DHX36: variants seen among roughly 807,000 people sequenced by gnomAD.
DHX36 encodes the protein ATP-dependent DNA/RNA helicase DHX36.
A neutral mutation model predicts 139.0 loss-of-function variants in DHX36; 50 were observed. The ratio of observed to expected loss-of-function variants is 0.36; its 90% CI spans 0.29 to 0.46. DHX36 has a LOEUF of 0.46. DHX36 is among the 20% of genes least tolerant of loss of function. DHX36 has a pLI of 1.00. For missense variants in DHX36, 1,024 were observed against 1,211.3 expected (o/e 0.85, Z 2.29); for synonymous variants, 425 against 401.9 (o/e 1.06, Z -0.69).
At chr3:154,316,911 C>T (rs1713008214) in intron 1 of DHX36, among the ~76,000 whole-genome samples, 1 of 151,720 alleles carries the variant, frequency 6.6e-6, no homozygotes. Flanking sequence ...ATTTATGGGA[C>T]TACAAACCTT....
chr3:154,284,699 A>G, intron 18 of DHX36, 30 bp from the exon 19 acceptor site: 2 of 1,599,384 alleles, frequency 1.3e-6, no homozygotes, highest in Non-Finnish European at 1.7e-6. Context: ...GCCAATTTAA[A>G]TTGCTCTGAT....
At chr3:154,317,964 TAAAC>T (rs1340151396) in intron 1 of DHX36, among the ~76,000 whole-genome samples, 1 of 152,074 alleles carries the variant, frequency 6.6e-6, no homozygotes, top group Admixed American at 6.5e-5. Flanking sequence ...CTATCCCAAT[TAAAC>T]AAACACCAAA....
chr3:154,321,926 CAA>C (rs36004138), intron 1 of DHX36, among the ~76,000 whole-genome samples: 17 of 111,868 alleles, frequency 1.5e-4, no homozygotes, highest in Non-Finnish European at 2.1e-4. Flanking sequence ...GACTCCAACT[CAA>C]AAAAAAAAAA....
At chr3:154,284,788 C>T (rs1711505087) in intron 18 of DHX36, 26 bp downstream of exon 18, 1 of 1,610,154 alleles carries the variant, frequency 6.2e-7, no homozygotes, top group East Asian at 2.2e-5. Context: ...TCTAAAATAA[C>T]TCGGTTTTAT....
At chr3:154,279,361 A>G (rs1719260256) in intron 22 of DHX36, 1 of 152,234 alleles carries the variant, frequency 6.6e-6, no homozygotes, top group Non-Finnish European at 1.5e-5. Flanking sequence ...GCACCAGTCC[A>G]AAGAAAACTA....
At chr3:154,300,270 A>T (rs935339317) in intron 11 of DHX36, among the ~76,000 whole-genome samples, 1 of 152,068 alleles carries the variant, frequency 6.6e-6, no homozygotes, top group African/African-American at 2.4e-5. Context: ...GTTTTGCCAC[A>T]TTGGCCAGGC....
At chr3:154,281,647 G>C (rs1220434490) in intron 20 of DHX36, among the ~76,000 whole-genome samples, 1 of 151,992 alleles carries the variant, frequency 6.6e-6, no homozygotes, top group African/African-American at 2.4e-5. Context: ...ATTTCCTAAG[G>C]AATTCCTTTT....
At chr3:154,314,875 A>C (rs933172680) in intron 3 of DHX36, 171 bp downstream of exon 3, 1 of 575,550 alleles carries the variant, frequency 1.7e-6, no homozygotes, top group African/African-American at 1.9e-5. Context: ...GTTATGTGTA[A>C]CTTCCATTCC....
rs556349597 is a variant in DHX36 at position 154,304,004 on chromosome 3, G to GCT, written c.1136-596_1136-595dup. On this transcript the variant is annotated intron_variant, in intron 8 of 24. Transcript: ENST00000496811. ...TCAAAATACCTAAGTAGGTATCACT[G>GCT]CTCTACCCATGATGTGCACACATTT... Among the ~76,000 whole-genome samples the GCT allele has an allele frequency of 5.9e-4, 90 of 152,252 alleles. No individual in the cohort carries two copies. The East Asian group carries it at 0.016, about 27-fold the overall frequency.
At chr3:154,281,933 T>A in intron 20 of DHX36, among the ~76,000 whole-genome samples, 1 of 152,118 alleles carries the variant, frequency 6.6e-6, no homozygotes, top group South Asian at 2.1e-4. Flanking sequence ...AAATCTCCAC[T>A]GTGATTCCCC....
At chr3:154,316,316 C>T (rs367797504) in intron 1 of DHX36, among the ~76,000 whole-genome samples, 153 bp from the exon 2 acceptor site, 1 of 152,048 alleles carries the variant, frequency 6.6e-6, no homozygotes, top group East Asian at 1.9e-4. Context: ...CCCAATACCC[C>T]CCTTCCTAGA....
chr3:154,301,995 T>C (rs1173712870), intron 9 of DHX36, among the ~76,000 whole-genome samples: 1 of 151,894 alleles, frequency 6.6e-6, no homozygotes, highest in Non-Finnish European at 1.5e-5. Context: ...ATTAAACATC[T>C]GGCCTTTAGT....
At chr3:154,313,169 A>G (rs1294101692) in intron 3 of DHX36, among the ~76,000 whole-genome samples, 1 of 152,030 alleles carries the variant, frequency 6.6e-6, no homozygotes, top group South Asian at 2.1e-4. Flanking sequence ...ATCTTAACAC[A>G]TAATTATACA....
chr3:154,290,960 C>T (rs1711778272), intron 15 of DHX36, among the ~76,000 whole-genome samples: 1 of 150,334 alleles, frequency 6.7e-6, no homozygotes, highest in African/African-American at 2.4e-5. Flanking sequence ...CGGTGAAACC[C>T]CGTCTCTACT....
rs1211664222 is a variant in DHX36, at chr3:154,283,216, T to C, written c.2348A>G (p.Glu783Gly). The change falls in exon 20 of 25, where the codon GAA (glutamate) becomes GGA (glycine). Residue 783 changes from glutamate (E) to glycine (G), a missense_variant. Around this residue, in one of 4 missense-constraint regions of DHX36, gnomAD observed 470 missense variants for 616.2 expected, o/e 0.76. Transcript: ENST00000496811. ...CAGTGTGTTTGAAGACAGAAAATAT[T>C]CCCAGCAATAGTCCTTTTCGTATCT... ...GFRYEKDYCW[E>G]YFLSSNTLQM... 1 of 1,613,814 alleles carries C rather than the reference T, an allele frequency of 6.2e-7. No homozygotes were observed. Among genetic ancestry groups the C allele is most frequent in the Admixed American group, 1.7e-5 (1 of 60,012 alleles).
intron 5 of DHX36, among the ~76,000 whole-genome samples, chr3:154,307,571 T>C (rs1207484131): frequency 6.6e-6 from 1 of 152,108 alleles, no homozygotes; most frequent in Non-Finnish European, 1.5e-5. Context: ...TGAGATATCA[T>C]CTTACCCCAG....
At chr3:154,292,457 C>G in intron 15 of DHX36, 94 bp downstream of exon 15, 1 of 1,501,594 alleles carries the variant, frequency 6.7e-7, no homozygotes, top group South Asian at 1.2e-5. Flanking sequence ...AGAAAGGTAA[C>G]TCTTTTAATA....
chr3:154,292,195 A>C (rs1270804265), intron 15 of DHX36, among the ~76,000 whole-genome samples: 1 of 152,240 alleles, frequency 6.6e-6, no homozygotes, highest in East Asian at 1.9e-4. Context: ...AGGATTAAGA[A>C]AGTTAATATG....
chr3:154,300,850 A>T lies in DHX36; in HGVS notation c.1358+137T>A, dbSNP rs1268043307. On this transcript the variant is annotated intron_variant, in intron 10 of 24. Coordinates refer to ENST00000496811, the MANE Select transcript of DHX36 (RefSeq NM_020865.3). ...GTAATTACTGCTTAAAAGTCAAATC[A>T]GCACAATATTTAGCTCGAATAAGAG... 3 of 1,350,268 alleles carry T rather than the reference A, an allele frequency of 2.2e-6. No homozygotes were observed. In the African/African-American group the frequency reaches 4.4e-5, roughly 20 times the overall value. 83.6% of individuals were successfully genotyped at this position (1,350,268 alleles called of 1,614,324 possible).
Sources: gnomAD v4.1 joint callset for allele counts (sites outside exome capture counted in the v4.1 genomes callset) on GRCh38, gnomAD v4.1.1 for gene constraint, gnomAD v4.1.1 regional missense constraint, MANE v1.5 for transcripts, NCBI Gene and HGNC (gene_info 2026-07-23, HGNC 2026-07-21) for gene names.